The following GALNT17 variants were observed in gnomAD, a reference collection of about 807,000 sequenced individuals.
GALNT17 encodes UDP-GalNAc:polypeptide N-acetylgalactosaminyltransferase-like 3.
GALNT17 carries 29 observed loss-of-function variants against 63.7 expected under a neutral mutation model. The observed-to-expected ratio is 0.46, with a 90% CI of 0.34 to 0.62. GALNT17 has a LOEUF of 0.62. GALNT17 is among the 20% of genes least tolerant of loss of function. The pLI is 0.01. For synonymous variants in GALNT17, 305 were observed against 318.3 expected (o/e 0.96, Z 0.45); for missense variants, 603 against 799.6 (o/e 0.75, Z 2.97).
intron 6 of GALNT17, among the ~76,000 whole-genome samples, chr7:71,619,142 G>C (rs956781284): frequency 6.6e-6 from 1 of 152,064 alleles, no homozygotes; most frequent in Non-Finnish European, 1.5e-5. Context: ...TAATTTCCAT[G>C]TTTTCTGTTC....
At chr7:71,630,563 G>C (rs956838715) in intron 6 of GALNT17, among the ~76,000 whole-genome samples, 1 of 152,154 alleles carries the variant, frequency 6.6e-6, no homozygotes, top group Non-Finnish European at 1.5e-5. Context: ...TGTTAGGATT[G>C]ATACCCATTT....
Position 71,477,658 on chromosome 7 carries a change from C to T in GALNT17, c.962+56553C>T, listed in dbSNP as rs564908064. Among the ~76,000 whole-genome samples, 128 of 152,078 alleles carry T rather than the reference C, an allele frequency of 8.4e-4. 4 individuals carry two copies. In the South Asian group the frequency reaches 0.026, roughly 31 times the overall value. ...GAGCTATGATCGCATCACTGCACTCCGGCCTGGGCAACAGGCCAAGATCCT... is the reference window on the plus strand; with the variant it reads ...GAGCTATGATCGCATCACTGCACTCTGGCCTGGGCAACAGGCCAAGATCCT... On this transcript the variant is annotated intron_variant, in intron 5 of 10. Coordinates refer to ENST00000333538, the MANE Select transcript of GALNT17 (RefSeq NM_022479.3).
At chr7:71,590,188 G>A (rs73702224) in intron 6 of GALNT17, among the ~76,000 whole-genome samples, 4,841 of 152,258 alleles carry the variant, frequency 0.032, 246 homozygotes, top group African/African-American at 0.11. Context: ...AAATAGAACT[G>A]CAATGTTGAT....
At chr7:71,441,367 T>C (rs764745411) in intron 5 of GALNT17, among the ~76,000 whole-genome samples, 11 of 152,160 alleles carry the variant, frequency 7.2e-5, no homozygotes, top group African/African-American at 1.2e-4. Context: ...CAATGAACTA[T>C]CTGCAGTACA....
intron 4 of GALNT17, 69 bp from the exon 5 acceptor site, chr7:71,420,839 C>G: frequency 6.4e-7 from 1 of 1,566,222 alleles, no homozygotes; most frequent in African/African-American, 1.3e-5. Context: ...CTGTTCATTC[C>G]GTGTGGTCTT....
intron 1 of GALNT17, among the ~76,000 whole-genome samples, chr7:71,166,706 A>G (rs1788447019): frequency 6.6e-6 from 1 of 152,218 alleles, no homozygotes; most frequent in South Asian, 2.1e-4. Flanking sequence ...TTATATGGCT[A>G]TACCACAGTT....
At chr7:71,247,543 GC>G (rs1029797723) in intron 1 of GALNT17, among the ~76,000 whole-genome samples, 4 of 152,138 alleles carry the variant, frequency 2.6e-5, no homozygotes, top group African/African-American at 9.6e-5. Flanking sequence ...TGCAACCTCT[GC>G]CTCCTGGGTT....
At chr7:71,603,451 A>G (rs991880111) in intron 6 of GALNT17, among the ~76,000 whole-genome samples, 5 of 152,152 alleles carry the variant, frequency 3.3e-5, no homozygotes, top group Admixed American at 3.3e-4. Flanking sequence ...TGCGAAGTGC[A>G]TATACCAGGT....
At chr7:71,204,078 A>C (rs1789224097) in intron 1 of GALNT17, among the ~76,000 whole-genome samples, 1 of 147,478 alleles carries the variant, frequency 6.8e-6, no homozygotes, top group Admixed American at 6.7e-5. Flanking sequence ...AGTTGATTTT[A>C]GTATATGATG....
At chr7:71,459,600 A>G (rs1253866051) in intron 5 of GALNT17, among the ~76,000 whole-genome samples, 1 of 152,222 alleles carries the variant, frequency 6.6e-6, no homozygotes, top group Non-Finnish European at 1.5e-5. Context: ...CTCTGGCATA[A>G]CACAACATGA....
At position 71,421,072 on chromosome 7, in the gene GALNT17, G is replaced by A; in HGVS notation, c.929G>A (p.Trp310Ter). The A allele has an allele frequency of 1.2e-6, 2 of 1,614,120 alleles. No individual in the cohort carries two copies. The highest frequency in any genetic ancestry group is 1.1e-5 in the South Asian group (1 of 91,072). ...ATGTACATCAGCCCCCCAAAAGACT[G>A]GTGGGACGCCGGAGACCCTTCTCTC... ...WCMYISPPKD[W>*]WDAGDPSLPI... is the part of the protein sequence containing the mutation. Residue 310 changes from tryptophan (W) to a stop codon, truncating the protein, a stop_gained, in exon 5 of 11, where the codon TGG (tryptophan) becomes TAG (stop). Transcript: ENST00000333538. LOFTEE classifies it high-confidence loss of function.
chr7:71,227,602 A>G (rs1789705144), intron 1 of GALNT17, among the ~76,000 whole-genome samples: 1 of 152,124 alleles, frequency 6.6e-6, no homozygotes, highest in African/African-American at 2.4e-5. Context: ...CCCCCTTGCT[A>G]GATGGCTTAA....
intron 3 of GALNT17, among the ~76,000 whole-genome samples, chr7:71,409,418 C>G (rs186619906): frequency 6.6e-6 from 1 of 152,118 alleles, no homozygotes; most frequent in Non-Finnish European, 1.5e-5. Flanking sequence ...ACTGGTGATT[C>G]GGATGCAGGT....
chr7:71,249,677 A>G (rs1344581072), intron 1 of GALNT17, among the ~76,000 whole-genome samples: 1 of 152,336 alleles, frequency 6.6e-6, no homozygotes, highest in African/African-American at 2.4e-5. Flanking sequence ...TTTGTGATAG[A>G]GTAATTCACA....
At chr7:71,317,040 T>C (rs1791513354) in intron 1 of GALNT17, among the ~76,000 whole-genome samples, 1 of 152,180 alleles carries the variant, frequency 6.6e-6, no homozygotes, top group South Asian at 2.1e-4. Flanking sequence ...TCCCAACTGT[T>C]TGTCTTGTTC....
At chr7:71,665,779 G>A (rs1790976294) in intron 7 of GALNT17, among the ~76,000 whole-genome samples, 183 bp downstream of exon 7, 1 of 152,202 alleles carries the variant, frequency 6.6e-6, no homozygotes, top group African/African-American at 2.4e-5. Flanking sequence ...TCCAGGGCTA[G>A]CACAATGGAA....
At chr7:71,312,499 A>G (rs1009474135) in intron 1 of GALNT17, among the ~76,000 whole-genome samples, 1 of 152,190 alleles carries the variant, frequency 6.6e-6, no homozygotes, top group African/African-American at 2.4e-5. Context: ...TACCATAACA[A>G]AAGACTGTCT....
chr7:71,168,733 G>A lies in GALNT17; in HGVS notation c.238+35693G>A, dbSNP rs536240039. On this transcript the variant is annotated intron_variant, in intron 1 of 10. Transcript: ENST00000333538. ...TGTGTGTGTGTGTGTGTGTGTGTGT[G>A]TGGTAAGAGCACCTAAAATCTACTC... Among the ~76,000 whole-genome samples the A allele has an allele frequency of 5.1e-3, 771 of 151,932 alleles. 4 individuals carry two copies. Among genetic ancestry groups the A allele is most frequent in the South Asian group, 0.016 (78 of 4,814 alleles).
intron 5 of GALNT17, among the ~76,000 whole-genome samples, chr7:71,535,943 C>T (rs1452096651): frequency 1.3e-5 from 2 of 152,168 alleles, no homozygotes; most frequent in African/African-American, 4.8e-5. Context: ...ATTTTTGACT[C>T]TGTGTACTGT....
Sources: gnomAD v4.1 joint callset for allele counts (sites outside exome capture counted in the v4.1 genomes callset) on GRCh38, gnomAD v4.1.1 for gene constraint, MANE v1.5 for transcripts, NCBI Gene and HGNC (gene_info 2026-07-23, HGNC 2026-07-21) for gene names.